Variants in RANBP2 observed in about 807,000 individuals in gnomAD.
RANBP2 encodes RAN binding protein 2, also known as E3 SUMO-protein ligase RanBP2.
In RANBP2, 57 loss-of-function variants were observed where a neutral mutation model predicts 303.6. The ratio of observed to expected loss-of-function variants is 0.19; its 90% CI spans 0.15 to 0.23. RANBP2 has a LOEUF of 0.23. Among genes scored for constraint, RANBP2 ranks in the 10% least tolerant of loss-of-function variants. The pLI is 1.00. For synonymous variants in RANBP2, 1,167 were observed against 1,301.5 expected (o/e 0.90, Z 2.23); for missense variants, 3,138 against 3,780.8 (o/e 0.83, Z 4.46).
Position 108,735,781 on chromosome 2 carries a change from G to C in RANBP2, c.636+19G>C, listed in dbSNP as rs1393840524. 3 of 1,597,548 alleles carry C rather than the reference G, an allele frequency of 1.9e-6. No homozygotes were observed. In the South Asian group the frequency reaches 3.3e-5, roughly 18 times the overall value. ...CCTTAAGGTAGATAAAAGCTATTGG[G>C]TCTTTACATTTCTATGTAGGCAATT... is the stretch of plus-strand genomic sequence containing the variant. On this transcript the variant is annotated intron_variant, in intron 5 of 28. Coordinates refer to ENST00000283195, the MANE Select transcript of RANBP2 (RefSeq NM_006267.5).
the RANBP2 span, among the ~76,000 whole-genome samples, chr2:109,059,224 A>G: frequency 6.6e-6 from 1 of 152,100 alleles, no homozygotes; most frequent in Non-Finnish European, 1.5e-5. Flanking sequence ...CCACAACATC[A>G]TGGGGTGGCC....
chr2:108,753,505 A>G lies in RANBP2; in HGVS notation c.1997A>G (p.Asp666Gly). ...GATGCAGTAAATGGAAATATAGAAG[A>G]TGCTGTGACTGCTTTTGAATCTATA... ...ILDAVNGNIE[D>G]AVTAFESIKS... Residue 666 changes from aspartate (D) to glycine (G), a missense_variant, in exon 14 of 29, where the codon GAT becomes GGT. Physicochemically the swap from Asp to Gly is moderately conservative, Grantham distance 94. Around this residue, in one of 20 missense-constraint regions of RANBP2, gnomAD observed 162 missense variants for 286.9 expected, o/e 0.56. Transcript: ENST00000283195. 6.2e-7 allele frequency: 1 copy of G among 1,611,962 alleles called. No individual in the cohort carries two copies. Among genetic ancestry groups the G allele is most frequent in the South Asian group, 1.1e-5 (1 of 90,982 alleles).
At chr2:109,712,101 T>C in the RANBP2 span, among the ~76,000 whole-genome samples, 3 of 152,242 alleles carry the variant, frequency 2.0e-5, no homozygotes, top group African/African-American at 2.4e-5. Flanking sequence ...TATTGACTGC[T>C]GGATTTTTCT....
At chr2:108,978,288 C>T in the RANBP2 span, among the ~76,000 whole-genome samples, 1 of 152,196 alleles carries the variant, frequency 6.6e-6, no homozygotes, top group Non-Finnish European at 1.5e-5. Flanking sequence ...GTTAAATACA[C>T]CATCCATGTC....
chr2:109,621,989 AG>A, the RANBP2 span, among the ~76,000 whole-genome samples: 1 of 152,162 alleles, frequency 6.6e-6, no homozygotes, highest in African/African-American at 2.4e-5. Flanking sequence ...TATTGAGCAA[AG>A]AATCACCTTT....
the RANBP2 span, among the ~76,000 whole-genome samples, chr2:109,726,667 A>C: frequency 8.3e-4 from 126 of 152,188 alleles, 2 homozygotes; most frequent in East Asian, 0.024. Flanking sequence ...GAGTTTTTTT[A>C]GTTTTTGCGT....
the RANBP2 span, among the ~76,000 whole-genome samples, chr2:108,834,211 G>GA: frequency 1.4e-5 from 2 of 143,912 alleles, no homozygotes; most frequent in African/African-American, 5.7e-5. Flanking sequence ...TTTCATCTTT[G>GA]AAATTTTTTT....
the RANBP2 span, among the ~76,000 whole-genome samples, chr2:109,411,221 A>T: frequency 2.6e-5 from 4 of 152,196 alleles, no homozygotes; most frequent in Admixed American, 6.5e-5. Flanking sequence ...GGCTGAAAGT[A>T]CATCCAGGCA....
At chr2:108,794,784 C>T in the RANBP2 span, 28 of 1,230,716 alleles carry the variant, frequency 2.3e-5, no homozygotes, top group East Asian at 2.7e-4. Flanking sequence ...CAAGCATTTA[C>T]GAAATTTGAA....
chr2:109,672,260 G>A, the RANBP2 span, among the ~76,000 whole-genome samples: 5 of 152,150 alleles, frequency 3.3e-5, no homozygotes, highest in African/African-American at 1.2e-4. Context: ...ATAAAATATT[G>A]GTAGCAAACA....
the RANBP2 span, among the ~76,000 whole-genome samples, chr2:109,274,280 C>T: frequency 6.6e-5 from 10 of 152,224 alleles, no homozygotes; most frequent in African/African-American, 2.4e-4. Flanking sequence ...AAAGTGAATT[C>T]CTAGGTGTGT....
chr2:109,594,737 A>G, the RANBP2 span: 2 of 152,264 alleles, frequency 1.3e-5, no homozygotes, highest in South Asian at 2.1e-4. Context: ...GCACACACGC[A>G]CATGCACACA....
chr2:109,330,769 C>T, the RANBP2 span, among the ~76,000 whole-genome samples: 6 of 152,144 alleles, frequency 3.9e-5, no homozygotes, highest in African/African-American at 1.2e-4. Flanking sequence ...AATACATACA[C>T]AGATACACAA....
At chr2:109,241,596 G>T in the RANBP2 span, among the ~76,000 whole-genome samples, 1 of 152,046 alleles carries the variant, frequency 6.6e-6, no homozygotes, top group Non-Finnish European at 1.5e-5. Flanking sequence ...TTGAGGTTTG[G>T]CTTGGTTCGG....
At chr2:109,388,418 TACTCAGTGAGTGCTGAGTGAGGCTTGG>T in the RANBP2 span, among the ~76,000 whole-genome samples, 1 of 152,214 alleles carries the variant, frequency 6.6e-6, no homozygotes, top group Non-Finnish European at 1.5e-5. Flanking sequence ...CAGCAGCAGG[TACTCAGTGAGTGCTGAGTGAGGCTTGG>T]ACTCATGCAA....
the RANBP2 span, among the ~76,000 whole-genome samples, chr2:108,967,631 T>C: frequency 6.6e-6 from 1 of 152,316 alleles, no homozygotes; most frequent in African/African-American, 2.4e-5. Flanking sequence ...ACAGAGTGTG[T>C]CTTTGTAGGA....
At chr2:109,344,004 A>G in the RANBP2 span, among the ~76,000 whole-genome samples, 1 of 152,124 alleles carries the variant, frequency 6.6e-6, no homozygotes, top group Non-Finnish European at 1.5e-5. Context: ...TCAGCCTCCC[A>G]AAGTGCTAAG....
the RANBP2 span, among the ~76,000 whole-genome samples, chr2:109,600,785 C>G: frequency 6.6e-6 from 1 of 152,190 alleles, no homozygotes; most frequent in Non-Finnish European, 1.5e-5. Context: ...CATCGCCAGC[C>G]CCAGGTTATT....
the RANBP2 span, among the ~76,000 whole-genome samples, chr2:109,594,468 GT>G: frequency 2.7e-5 from 4 of 150,854 alleles, no homozygotes; most frequent in Non-Finnish European, 4.4e-5. Flanking sequence ...CTGCACTGTG[GT>G]TTTTTTTTGC....
Sources: allele counts gnomAD v4.1 joint callset (sites outside exome capture counted in the v4.1 genomes callset), GRCh38; gene constraint gnomAD v4.1.1; regional missense constraint gnomAD v4.1.1; transcripts MANE v1.5; gene names NCBI Gene and HGNC (gene_info 2026-07-23, HGNC 2026-07-21).